The following HECW1 variants were observed in gnomAD, a reference collection of about 807,000 sequenced individuals.
HECW1 encodes E3 ubiquitin-protein ligase HECW1.
HECW1 carries 61 observed loss-of-function variants against 182.3 expected under a neutral mutation model. The observed-to-expected ratio is 0.33, with a 90% confidence interval of 0.27 to 0.41. HECW1 has a LOEUF of 0.41. HECW1 is among the 10% of genes least tolerant of loss of function. The pLI is 1.00. For missense variants in HECW1, 1,739 were observed against 2,108.9 expected (o/e 0.82, Z 3.44); for synonymous variants, 859 against 832.6 (o/e 1.03, Z -0.55).
At chr7:43,554,085 A>G (rs945866359) in intron 28 of HECW1, among the ~76,000 whole-genome samples, 1 of 152,322 alleles carries the variant, frequency 6.6e-6, no homozygotes, top group South Asian at 2.1e-4. Flanking sequence ...CTGGCCTGAG[A>G]GCAGCTGCTC....
rs1791832976 is a variant in HECW1 at position 43,172,887 on chromosome 7, A to G, written c.-32+58496A>G. Reference sequence around the variant, plus strand: ...TTTACTCAGGATAGAACAAACAAGCAGCCAGAAAAACACATACAGCTAGAC... The same window carrying G: ...TTTACTCAGGATAGAACAAACAAGCGGCCAGAAAAACACATACAGCTAGAC... On this transcript the variant is annotated intron_variant, in intron 2 of 29. Coordinates refer to ENST00000395891, the MANE Select transcript of HECW1 (RefSeq NM_015052.5). 2.0e-5 allele frequency among the ~76,000 whole-genome samples: 3 copies of G among 152,338 alleles called. No individual in the cohort carries two copies. The South Asian group carries it at 6.2e-4, about 32-fold the overall frequency.
At chr7:43,351,488 G>C (rs1412366770) in intron 5 of HECW1, among the ~76,000 whole-genome samples, 1 of 152,074 alleles carries the variant, frequency 6.6e-6, no homozygotes, top group African/African-American at 2.4e-5. Context: ...CACCAGGTGG[G>C]GGCAGGGCTA....
chr7:43,114,492 T>C, intron 2 of HECW1, 101 bp downstream of exon 2: 1 of 1,050,832 alleles, frequency 9.5e-7, no homozygotes, highest in South Asian at 1.5e-5. Flanking sequence ...TGTGTGCCTG[T>C]TTGGTAGAGA....
intron 7 of HECW1, among the ~76,000 whole-genome samples, chr7:43,398,467 C>T (rs1168098340): frequency 1.3e-5 from 2 of 152,062 alleles, no homozygotes; most frequent in East Asian, 3.9e-4. Context: ...ATGTTGCAGG[C>T]CATGAATGCC....
chr7:43,465,907 A>G (rs1175320898), intron 14 of HECW1, among the ~76,000 whole-genome samples: 1 of 148,500 alleles, frequency 6.7e-6, no homozygotes, highest in African/African-American at 2.6e-5. Context: ...AAAGACAAAG[A>G]GAGAGAGAGA....
rs61756576 is a variant in HECW1, at chr7:43,444,676, G to C, written c.1504G>C (p.Glu502Gln). Residue 502 changes from glutamate to glutamine, a missense_variant, in exon 11 of 30, where the codon GAG (glutamate) becomes CAG (glutamine). This residue lies in a region of HECW1 where 971 missense variants were observed against 1,029.1 expected (regional missense o/e 0.94). Transcript: ENST00000395891. This position sits in a 1 kb window ranked among gnomAD's most constrained non-coding sequence, Gnocchi z 4.3. ...TTQSRAGREEEEKEQEEEGDV... is the reference protein window; with the variant it reads ...TTQSRAGREEQEKEQEEEGDV... ...CCAGAGCCGGGCTGGAAGGGAAGAA[G>C]AGGAGAAGGAGCAGGAGGAGGAGGG... The C allele has an allele frequency of 3.2e-3, 5,149 of 1,605,664 alleles. 11 individuals are homozygous for C. Among genetic ancestry groups the C allele is most frequent in the Middle Eastern group, 9.1e-3 (55 of 6,050 alleles).
chr7:43,502,931 T>C (rs1014202647), intron 21 of HECW1, among the ~76,000 whole-genome samples: 16 of 152,162 alleles, frequency 1.1e-4, no homozygotes, highest in African/African-American at 3.9e-4. Context: ...CAGAACTTGG[T>C]AATAAGCTTT....
intron 5 of HECW1, among the ~76,000 whole-genome samples, chr7:43,337,778 G>A (rs1812490882): frequency 6.6e-6 from 1 of 152,132 alleles, no homozygotes; most frequent in African/African-American, 2.4e-5. Flanking sequence ...AGACATTATA[G>A]TTTCATGAAA....
intron 11 of HECW1, among the ~76,000 whole-genome samples, chr7:43,449,811 C>T (rs2077173514): frequency 6.6e-6 from 1 of 152,196 alleles, no homozygotes; most frequent in African/African-American, 2.4e-5. Flanking sequence ...CATCCTTTGT[C>T]CCGGGCCCTT....
At chr7:43,216,470 G>A (rs1310270216) in intron 2 of HECW1, among the ~76,000 whole-genome samples, 1 of 152,050 alleles carries the variant, frequency 6.6e-6, no homozygotes, top group East Asian at 1.9e-4. Flanking sequence ...TGCCTTAAAG[G>A]TTTCTGCTGT....
intron 2 of HECW1, among the ~76,000 whole-genome samples, chr7:43,210,862 G>A (rs1167270231): frequency 6.6e-6 from 1 of 152,196 alleles, no homozygotes; most frequent in Non-Finnish European, 1.5e-5. Context: ...ATCAATGGTG[G>A]ACGGCGAGCG....
chr7:43,403,794 G>A (rs568893872), intron 7 of HECW1, among the ~76,000 whole-genome samples: 1 of 152,102 alleles, frequency 6.6e-6, no homozygotes, highest in Non-Finnish European at 1.5e-5. Flanking sequence ...TTTGGCAAAG[G>A]TTGCCACTGG....
chr7:43,367,364 T>G (rs9655441), intron 6 of HECW1, among the ~76,000 whole-genome samples: 4,387 of 152,332 alleles, frequency 0.029, 199 homozygotes, highest in African/African-American at 0.1. Flanking sequence ...GAGACAAAAT[T>G]TTGAGACTTA....
intron 16 of HECW1, among the ~76,000 whole-genome samples, chr7:43,472,333 G>A (rs1431516103): frequency 6.6e-6 from 1 of 152,142 alleles, no homozygotes. Flanking sequence ...CTGACCCCTA[G>A]GCCATGTGCT....
Position 43,271,996 on chromosome 7 carries a change from C to T in HECW1, c.27+28064C>T, listed in dbSNP as rs574006248. On this transcript the variant is annotated intron_variant, in intron 3 of 29. Coordinates refer to ENST00000395891, the MANE Select transcript of HECW1 (RefSeq NM_015052.5). ...AAACAGCACAGTACTTCTACAAAAA[C>T]AGACCCAGACCAATGCAACAGAGTA... is the stretch of plus-strand genomic sequence containing the variant. 2.6e-5 allele frequency among the ~76,000 whole-genome samples: 4 copies of T among 152,162 alleles called. No individual in the cohort carries two copies. The South Asian group carries it at 8.3e-4, about 32-fold the overall frequency.
intron 8 of HECW1, among the ~76,000 whole-genome samples, chr7:43,435,133 G>A (rs2076670796): frequency 6.6e-6 from 1 of 150,678 alleles, no homozygotes; most frequent in African/African-American, 2.4e-5. Context: ...AGTGTTACAT[G>A]TAATTATATA....
At chr7:43,470,508 A>G (rs2077976936) in intron 16 of HECW1, among the ~76,000 whole-genome samples, 1 of 152,198 alleles carries the variant, frequency 6.6e-6, no homozygotes, top group African/African-American at 2.4e-5. Flanking sequence ...TCCATGGCAC[A>G]CATGCAGATG....
intron 24 of HECW1, among the ~76,000 whole-genome samples, chr7:43,510,415 C>G (rs1220260104): frequency 6.6e-6 from 1 of 152,162 alleles, no homozygotes; most frequent in Non-Finnish European, 1.5e-5. Context: ...TAAGACTATG[C>G]TGGATAGCAT....
intron 2 of HECW1, among the ~76,000 whole-genome samples, chr7:43,181,067 T>TTTTTTTTTTTTTTTTTG (rs1562640505): frequency 3.3e-5 from 5 of 151,386 alleles, no homozygotes; most frequent in African/African-American, 1.2e-4. Flanking sequence ...ATCAACTTTT[T>TTTTTTTTTTTTTTTTTG]AAGATTCCAC....
Sources: gnomAD v4.1 joint callset for allele counts (sites outside exome capture counted in the v4.1 genomes callset) on GRCh38, gnomAD v4.1.1 for gene constraint, gnomAD v4.1.1 regional missense constraint, Gnocchi (gnomAD v3.1) non-coding constraint, MANE v1.5 for transcripts, NCBI Gene and HGNC (gene_info 2026-07-23, HGNC 2026-07-21) for gene names.